The following MSN variants were observed in gnomAD, a reference collection of about 807,000 sequenced individuals.
MSN encodes epididymis luminal protein 70.
In MSN, 2 loss-of-function variants were observed where a neutral mutation model predicts 48.0. That is an observed-to-expected ratio of 0.04 (90% CI 0.02 to 0.13). MSN has a LOEUF of 0.13. Ranked by LOEUF, MSN falls within the 10% of genes least tolerant of loss-of-function variation. MSN has a pLI of 1.00. For synonymous variants in MSN, 146 were observed against 166.9 expected (o/e 0.87, Z 0.97); for missense variants, 267 against 470.1 (o/e 0.57, Z 3.99).
At chrX:65,619,836 G>T (rs1184240149) in intron 1 of MSN, among the ~76,000 whole-genome samples, 63 of 108,939 alleles carry the variant, frequency 5.8e-4, no homozygotes, top group African/African-American at 2.0e-3. Context: ...CATCTTTGTG[G>T]TTTTATCTAC....
chrX:65,605,720 A>G (rs1351533003), intron 1 of MSN, among the ~76,000 whole-genome samples: 1 of 110,553 alleles, frequency 9.0e-6, no homozygotes, highest in Non-Finnish European at 1.9e-5. Context: ...CACTCTGATC[A>G]TTTTTCTGGT....
intron 1 of MSN, among the ~76,000 whole-genome samples, chrX:65,668,336 T>C: frequency 8.9e-6 from 1 of 112,184 alleles, no homozygotes; most frequent in East Asian, 2.8e-4. Flanking sequence ...CCACTCATCT[T>C]TCCCACAGCC....
chrX:65,733,412 A>T (rs2071643533), intron 7 of MSN, 132 bp downstream of exon 7: 1 of 503,546 alleles, frequency 2.0e-6, no homozygotes, highest in Non-Finnish European at 3.4e-6. Context: ...GTGCACGAAC[A>T]GGAAGCACAA....
intron 1 of MSN, among the ~76,000 whole-genome samples, chrX:65,622,204 C>T (rs1354919199): frequency 9.4e-6 from 1 of 106,728 alleles, no homozygotes; most frequent in Admixed American, 1.0e-4. Context: ...AAACAATTCT[C>T]CTGCCTCAGC....
At chrX:65,617,576 G>A (rs761927264) in intron 1 of MSN, among the ~76,000 whole-genome samples, 1,354 of 97,958 alleles carry the variant, frequency 0.014, 31 homozygotes, top group African/African-American at 0.052. Context: ...TTTTTATTGC[G>A]TCTATTTGAT....
chrX:65,665,142 G>C (rs896991281), upstream of MSN, among the ~76,000 whole-genome samples: 1 of 111,543 alleles, frequency 9.0e-6, no homozygotes, highest in African/African-American at 3.3e-5. Flanking sequence ...GTTGGCATGG[G>C]AGGTGGGGAA....
At chrX:65,714,948 C>T (rs1311651556) in intron 1 of MSN, among the ~76,000 whole-genome samples, 1 of 111,650 alleles carries the variant, frequency 9.0e-6, no homozygotes, top group East Asian at 2.8e-4. Context: ...TTGAGTTTTA[C>T]ATTACTTTTA....
chrX:65,735,848 T>C (rs1229608029), intron 8 of MSN, among the ~76,000 whole-genome samples: 3 of 111,881 alleles, frequency 2.7e-5, no homozygotes, highest in African/African-American at 9.8e-5. Context: ...GTACATAAGA[T>C]GGTTAAGAAG....
intron 1 of MSN, among the ~76,000 whole-genome samples, chrX:65,620,626 T>G (rs1176042315): frequency 8.9e-6 from 1 of 112,650 alleles, no homozygotes; most frequent in East Asian, 2.8e-4. Context: ...CCTAGTGAGA[T>G]GAACCCGGTA....
upstream of MSN, among the ~76,000 whole-genome samples, chrX:65,666,418 C>G (rs1350546452): frequency 9.1e-6 from 1 of 110,088 alleles, no homozygotes; most frequent in African/African-American, 3.3e-5. Flanking sequence ...CCTCCGCCTC[C>G]CGGGTTCAAG....
intron 1 of MSN, among the ~76,000 whole-genome samples, chrX:65,610,735 C>T (rs894729587): frequency 2.7e-5 from 3 of 112,311 alleles, no homozygotes; most frequent in African/African-American, 9.7e-5. Flanking sequence ...ATGTATGAAA[C>T]TTAGAATTTC....
At chrX:65,701,473 A>AAT (rs2071303370) in intron 1 of MSN, among the ~76,000 whole-genome samples, 5 of 112,148 alleles carry the variant, frequency 4.5e-5, no homozygotes, top group Non-Finnish European at 9.4e-5. Context: ...TCTCATTTCA[A>AAT]CAGCATCAAG....
chrX:65,656,547 A>G (rs1217631603), intron 1 of MSN, among the ~76,000 whole-genome samples: 2 of 110,929 alleles, frequency 1.8e-5, no homozygotes, highest in East Asian at 2.8e-4. Context: ...AGTGTTCTGG[A>G]CTCCTTCTGC....
chrX:65,596,196 T>G (rs2070185367), intron 1 of MSN, among the ~76,000 whole-genome samples: 1 of 111,357 alleles, frequency 9.0e-6, no homozygotes, highest in Non-Finnish European at 1.9e-5. Flanking sequence ...GAACTGGGAC[T>G]GAATGGAAAC....
In MSN at chrX:65,619,659, T is replaced by C. The variant is rs1244052800; in HGVS notation, c.-22+31047T>C. Among the ~76,000 whole-genome samples the C allele has an allele frequency of 2.1e-4, 22 of 106,772 alleles. 1 individual carries two copies. The South Asian group carries it at 8.5e-3, about 41-fold the overall frequency. The allele number at this position is 106,772 out of a possible 115,157, so 92.7% of individuals were successfully genotyped here. A position where few individuals can be genotyped will look rare whatever the true frequency, so the allele number is the denominator to read the frequency against. On this transcript the variant is annotated intron_variant, in intron 1 of 3. Coordinates refer to the MSN transcript ENST00000609672. ...TTCTTTGCCTTTGGTTTGAATGTCC[T>C]CCCGTAGCTCAGAGCAATTTGATCG...
chrX:65,614,139 A>G (rs1428692439), intron 1 of MSN, among the ~76,000 whole-genome samples: 1 of 111,755 alleles, frequency 8.9e-6, no homozygotes, highest in African/African-American at 3.2e-5. Context: ...TCCTTTCCCC[A>G]TTGCTTGTTT....
In MSN at chrX:65,735,317, C is replaced by T; in HGVS notation, c.846C>T (p.Ala282=). The change falls in exon 8 of 13, where the codon GCC becomes GCT. Residue 282 remains alanine, a synonymous_variant. Coordinates refer to ENST00000360270, the MANE Select transcript of MSN (RefSeq NM_002444.3). ...PRLRINKRIL[A]LCMGNHELYM... is the part of the protein sequence containing the mutation. Reference sequence around the variant, plus strand: ...TGCGGATTAACAAGCGGATCTTGGCCTTGTGCATGGGGAACCATGAACTAT... The same window carrying T: ...TGCGGATTAACAAGCGGATCTTGGCTTTGTGCATGGGGAACCATGAACTAT... The T allele has an allele frequency of 1.7e-6, 2 of 1,210,918 alleles. No individual in the cohort carries two copies. The highest frequency in any genetic ancestry group is 4.8e-4 in the Middle Eastern group (2 of 4,156).
intron 1 of MSN, among the ~76,000 whole-genome samples, chrX:65,682,438 C>T (rs1464091855): frequency 8.9e-6 from 1 of 112,005 alleles, no homozygotes; most frequent in Non-Finnish European, 1.9e-5. Flanking sequence ...TGCATACCCC[C>T]ATTCCACCCC....
At chrX:65,592,221 GA>G in intron 1 of MSN, among the ~76,000 whole-genome samples, 1 of 89,551 alleles carries the variant, frequency 1.1e-5, no homozygotes, top group Admixed American at 1.3e-4. Context: ...TTTTTTGATG[GA>G]GTCTCGCTCT....
Sources: allele counts gnomAD v4.1 joint callset (sites outside exome capture counted in the v4.1 genomes callset), GRCh38; gene constraint gnomAD v4.1.1; transcripts MANE v1.5; gene names NCBI Gene and HGNC (gene_info 2026-07-23, HGNC 2026-07-21).